MPRIP: variants seen among roughly 807,000 people sequenced by gnomAD.
MPRIP encodes the protein myosin phosphatase Rho interacting protein, also known as myosin phosphatase Rho-interacting protein.
A neutral mutation model predicts 234.9 loss-of-function variants in MPRIP; 59 were observed. That is an observed-to-expected ratio of 0.25 (90% CI 0.20 to 0.31). MPRIP has a LOEUF of 0.31. MPRIP is among the 10% of genes least tolerant of loss of function. MPRIP has a pLI of 1.00. For synonymous variants in MPRIP, 1,144 were observed against 1,263.9 expected, an observed-to-expected ratio of 0.91 and a Z score of 2.01; for missense variants, 2,436 against 3,071.0, an observed-to-expected ratio of 0.79 and a Z score of 4.89.
chr17:17,172,088 G>A (rs1024828825), intron 17 of MPRIP, among the ~76,000 whole-genome samples: 1 of 152,214 alleles, frequency 6.6e-6, no homozygotes, highest in Admixed American at 6.5e-5. Context: ...TGACAGCCCC[G>A]TCGTGGCCGG....
Position 17,188,058 on chromosome 17 carries a change from T to C in MPRIP, c.*3164T>C, listed in dbSNP as rs1196913854. 1.3e-5 allele frequency: 2 copies of C among 152,252 alleles called. No individual in the cohort carries two copies. Among genetic ancestry groups the C allele is most frequent in the Non-Finnish European group, 2.9e-5 (2 of 68,042 alleles). 9.4% of individuals were successfully genotyped at this position (152,252 alleles called of 1,614,324 possible). Reference sequence around the variant, plus strand: ...TGGGTAATTACCTTGTGTGCACGCCTGCACGTGCAGAATAGTCACTTTCTG... The same window carrying C: ...TGGGTAATTACCTTGTGTGCACGCCCGCACGTGCAGAATAGTCACTTTCTG... On this transcript the variant is annotated 3_prime_UTR_variant, in exon 24 of 24. Coordinates refer to ENST00000651222, the MANE Select transcript of MPRIP (RefSeq NM_001364716.4).
intron 3 of MPRIP, among the ~76,000 whole-genome samples, chr17:17,089,853 C>T (rs1440343732): frequency 2.0e-5 from 3 of 152,176 alleles, no homozygotes; most frequent in Non-Finnish European, 2.9e-5. Context: ...GAAGAGCCAG[C>T]CCCGTCCTCA....
rs948880384 is a variant in MPRIP, at chr17:17,187,526, G to A, written c.*2632G>A. Reference sequence around the variant, plus strand: ...CATCCTGCGATGGAGTGAACCAGGCGAGAAAGGATGACGATGTTCTTCATG... The same window carrying A: ...CATCCTGCGATGGAGTGAACCAGGCAAGAAAGGATGACGATGTTCTTCATG... On this transcript the variant is annotated 3_prime_UTR_variant, in exon 24 of 24. Transcript: ENST00000651222. 3 of 152,246 alleles carry A rather than the reference G, an allele frequency of 2.0e-5. No homozygotes were observed. The highest frequency in any genetic ancestry group is 2.9e-5 in the Non-Finnish European group (2 of 68,056). The allele number at this position is 152,246 out of a possible 1,614,324, so 9.4% of individuals were successfully genotyped here. A position where few individuals can be genotyped will look rare whatever the true frequency, so the allele number is the denominator to read the frequency against.
At chr17:17,044,187 A>T (rs1414585426) in intron 1 of MPRIP, among the ~76,000 whole-genome samples, 1 of 152,238 alleles carries the variant, frequency 6.6e-6, no homozygotes, top group East Asian at 1.9e-4. Flanking sequence ...CGAAACACTC[A>T]AGGCTGCAAA....
Position 17,190,553 on chromosome 17 carries a change from T to C in MPRIP, c.*5659T>C, listed in dbSNP as rs2046566878. The C allele has an allele frequency of 6.6e-6, 1 of 152,206 alleles. No individual in the cohort carries two copies. Among genetic ancestry groups the C allele is most frequent in the Non-Finnish European group, 1.5e-5 (1 of 68,050 alleles). The allele number at this position is 152,206 out of a possible 1,614,324, so 9.4% of individuals were successfully genotyped here. ...AAGGAACATTATCAGTTATCTCAAATTTTGTCTGCCAGGGACAAGACCCTG... is the reference window on the plus strand; with the variant it reads ...AAGGAACATTATCAGTTATCTCAAACTTTGTCTGCCAGGGACAAGACCCTG... On this transcript the variant is annotated 3_prime_UTR_variant, in exon 24 of 24. Transcript: ENST00000651222.
intron 3 of MPRIP, among the ~76,000 whole-genome samples, chr17:17,118,547 TACA>T (rs2090329336): frequency 6.6e-6 from 1 of 152,174 alleles, no homozygotes; most frequent in South Asian, 2.1e-4. Context: ...TTCAGGAGGC[TACA>T]GTGTGGAGGA....
At chr17:17,045,468 A>G (rs999866415) in intron 1 of MPRIP, among the ~76,000 whole-genome samples, 3 of 152,204 alleles carry the variant, frequency 2.0e-5, no homozygotes, top group African/African-American at 7.2e-5. Context: ...ATTGAAACCC[A>G]GAGAAGGGAA....
chr17:17,058,010 C>G (rs948669846), intron 1 of MPRIP: 1 of 364,282 alleles, frequency 2.7e-6, no homozygotes, highest in African/African-American at 2.1e-5. Context: ...CTTCACGCCC[C>G]TCCCCAGTGG....
At chr17:17,180,171 C>T (rs973195736) in intron 23 of MPRIP, 83 bp downstream of exon 23, 1 of 1,136,774 alleles carries the variant, frequency 8.8e-7, no homozygotes, top group Non-Finnish European at 1.3e-6. Flanking sequence ...TGAGTGCTCC[C>T]ATGGGCCACA....
At chr17:17,058,731 A>G (rs1369080969) in intron 1 of MPRIP, among the ~76,000 whole-genome samples, 3 of 152,214 alleles carry the variant, frequency 2.0e-5, no homozygotes, top group African/African-American at 7.2e-5. Context: ...ACCATATGTA[A>G]CACAGCCACC....
chr17:17,117,689 C>G (rs1374602741), intron 3 of MPRIP, among the ~76,000 whole-genome samples: 1 of 152,154 alleles, frequency 6.6e-6, no homozygotes, highest in Non-Finnish European at 1.5e-5. Flanking sequence ...TGTATATGTT[C>G]GAGTACCTGT....
rs907142198 is a variant in MPRIP, at chr17:17,189,148, A to G, written c.*4254A>G. On this transcript the variant is annotated 3_prime_UTR_variant, in exon 24 of 24. Coordinates refer to ENST00000651222, the MANE Select transcript of MPRIP (RefSeq NM_001364716.4). ...CTTGGAATTTATAAGACTTTCCTTT[A>G]TAAGATATAGTGGGGGTTTTTTTGG... 6.6e-6 allele frequency: 1 copy of G among 150,434 alleles called. No individual in the cohort carries two copies. The highest frequency in any genetic ancestry group is 2.5e-5 in the African/African-American group (1 of 40,504). 9.3% of individuals were successfully genotyped at this position (150,434 alleles called of 1,614,324 possible).
Position 17,166,333 on chromosome 17 carries a change from AT to A in MPRIP, c.4744del (p.Ser1582ProfsTer2). 1.5e-6 allele frequency: 2 copies of A among 1,304,598 alleles called. No homozygotes were observed. Among genetic ancestry groups the A allele is most frequent in the Non-Finnish European group, 2.0e-6 (2 of 989,046 alleles). The allele number at this position is 1,304,598 out of a possible 1,614,324, so 80.8% of individuals were successfully genotyped here. A position where few individuals can be genotyped will look rare whatever the true frequency, so the allele number is the denominator to read the frequency against. Reference protein sequence around the residue: ...LEASLISQIADSLKNTTSDVS... With the variant: ...LEASLISQIAXSLKNTTSDVS... The stretch of plus-strand genomic sequence containing the variant: ...GCCTCGCTGATCAGCCAGATAGCAG[AT>A]TCCCTGAAGAACACAACATCAGATG... On this transcript the variant is annotated frameshift_variant, in exon 16 of 24. Transcript: ENST00000651222. LOFTEE classifies it high-confidence loss of function. This position sits in a 1 kb window ranked among gnomAD's most constrained non-coding sequence, Gnocchi z 4.4.
intron 3 of MPRIP, among the ~76,000 whole-genome samples, chr17:17,103,712 G>A (rs1860067381): frequency 6.6e-6 from 1 of 152,166 alleles, no homozygotes; most frequent in Non-Finnish European, 1.5e-5. Context: ...AGGGGTGGGG[G>A]CTGAAAAGAG....
In MPRIP at chr17:17,165,576, T is replaced by G; in HGVS notation, c.3985T>G (p.Cys1329Gly). The change falls in exon 16 of 24, where the codon TGC (cysteine) becomes GGC (glycine). Residue 1329 changes from cysteine (C) to glycine (G), a missense_variant. Around this residue, in one of 4 missense-constraint regions of MPRIP, gnomAD observed 1,998 missense variants for 2,520.3 expected, o/e 0.79. Transcript: ENST00000651222. The stretch of plus-strand genomic sequence containing the variant: ...AAGAATCCGGTTCTCCACAATCCAG[T>G]GCCAAAGATACATTCACCCCGAAGG... ...RQRIRFSTIQ[C>G]QRYIHPEGSE... is the part of the protein sequence containing the mutation. The G allele has an allele frequency of 7.7e-7, 1 of 1,304,686 alleles. No individual in the cohort carries two copies. The highest frequency in any genetic ancestry group is 2.1e-4 in the Middle Eastern group (1 of 4,704). 80.8% of individuals were successfully genotyped at this position (1,304,686 alleles called of 1,614,324 possible). A position where few individuals can be genotyped will look rare whatever the true frequency, so the allele number is the denominator to read the frequency against.
intron 1 of MPRIP, among the ~76,000 whole-genome samples, chr17:17,070,797 T>TATG (rs1337367492): frequency 1.3e-5 from 2 of 152,256 alleles, no homozygotes; most frequent in Admixed American, 1.3e-4. Flanking sequence ...TGGTTCTTGG[T>TATG]ATGATGATGA....
rs780807486 is a variant in MPRIP at position 17,165,800 on chromosome 17, G to T, written c.4209G>T (p.Arg1403Ser). ...AAAAGCTCAAAGACGTGACCGTGAG[G>T]CTGGAGAGCCAGCAGGGTCAGAGCC... ...TEEKLKDVTVRLESQQGQSRE... is the reference protein window; with the variant it reads ...TEEKLKDVTVSLESQQGQSRE... Residue 1403 changes from arginine to serine, a missense_variant, in exon 16 of 24, where the codon AGG becomes AGT. Arg to Ser is a moderately radical substitution (Grantham distance 110). Transcript: ENST00000651222. 3.1e-6 allele frequency: 4 copies of T among 1,304,372 alleles called. No individual in the cohort carries two copies. The South Asian group carries it at 3.7e-5, about 12-fold the overall frequency. 80.8% of individuals were successfully genotyped at this position (1,304,372 alleles called of 1,614,324 possible).
At chr17:17,105,666 G>A (rs2090049472) in intron 3 of MPRIP, among the ~76,000 whole-genome samples, 1 of 152,138 alleles carries the variant, frequency 6.6e-6, no homozygotes, top group African/African-American at 2.4e-5. Flanking sequence ...ATTATCCGAC[G>A]TCCTGTAATG....
chr17:17,055,912 G>T (rs2088681228), intron 1 of MPRIP, among the ~76,000 whole-genome samples: 2 of 152,214 alleles, frequency 1.3e-5, no homozygotes, highest in Non-Finnish European at 2.9e-5. Flanking sequence ...TATATTTCCA[G>T]CAGTCTCAGA....
Sources: gnomAD v4.1 joint callset for allele counts (sites outside exome capture counted in the v4.1 genomes callset) on GRCh38, gnomAD v4.1.1 for gene constraint, gnomAD v4.1.1 regional missense constraint, Gnocchi (gnomAD v3.1) non-coding constraint, MANE v1.5 for transcripts, NCBI Gene and HGNC (gene_info 2026-07-23, HGNC 2026-07-21) for gene names.